NLRC4: variants seen among roughly 807,000 people sequenced by gnomAD.
NLRC4 encodes NLR family CARD domain containing 4.
NLRC4 carries 63 observed loss-of-function variants against 79.9 expected under a neutral mutation model. The ratio of observed to expected loss-of-function variants is 0.79; its 90% CI spans 0.64 to 0.97. The LOEUF (loss-of-function observed/expected upper bound fraction) is 0.97, where lower values mean the gene tolerates loss of function less well. Among genes scored for constraint, NLRC4 ranks in the 50% least tolerant of loss-of-function variants. The pLI, the probability that NLRC4 is intolerant of heterozygous loss-of-function variation, is 0.00. For missense variants in NLRC4, 1,074 were observed against 1,215.2 expected (o/e 0.88, Z 1.73); for synonymous variants, 461 against 456.5 (o/e 1.01, Z -0.12).
intron 4 of NLRC4, among the ~76,000 whole-genome samples, chr2:32,241,701 C>T (rs951398949): frequency 6.6e-6 from 1 of 151,892 alleles, no homozygotes; most frequent in African/African-American, 2.4e-5. Context: ...TTTCTAAACA[C>T]TTGGAAATTA....
chr2:32,226,699 G>A (rs1477297305), intron 8 of NLRC4, among the ~76,000 whole-genome samples: 1 of 152,144 alleles, frequency 6.6e-6, no homozygotes, highest in Non-Finnish European at 1.5e-5. Context: ...TGACCAACAT[G>A]GAGAAACCCC....
intron 6 of NLRC4, among the ~76,000 whole-genome samples, chr2:32,237,517 A>C (rs1003516834): frequency 6.6e-6 from 1 of 152,208 alleles, no homozygotes; most frequent in African/African-American, 2.4e-5. Flanking sequence ...TGGCTTCCTT[A>C]GTTATCTTTA....
chr2:32,258,543 G>C (rs1687263770), intron 1 of NLRC4, among the ~76,000 whole-genome samples: 1 of 152,124 alleles, frequency 6.6e-6, no homozygotes, highest in South Asian at 2.1e-4. Flanking sequence ...ATCAATATGA[G>C]TAATTGAGGA....
Position 32,249,777 on chromosome 2 carries a change from C to T in NLRC4, c.2087G>A (p.Arg696Lys), listed in dbSNP as rs1213192023. 2 of 1,614,202 alleles carry T rather than the reference C, an allele frequency of 1.2e-6. No individual in the cohort carries two copies. Among genetic ancestry groups the T allele is most frequent in the East Asian group, 2.2e-5 (1 of 44,886 alleles). The change falls in exon 4 of 9, where the codon AGA (arginine) becomes AAA (lysine). Residue 696 changes from arginine to lysine, a missense_variant. Physicochemically the swap from Arg to Lys is conservative, Grantham distance 26. Coordinates refer to ENST00000402280, the MANE Select transcript of NLRC4 (RefSeq NM_001199138.2). Reference sequence around the variant, plus strand: ...GAGGCTTCCAGCCACACCAGCACATCTCTTTATTTGCAGCCTGAGGCTTGT... The same window carrying T: ...GAGGCTTCCAGCCACACCAGCACATTTCTTTATTTGCAGCCTGAGGCTTGT... ...SATSLRLQIK[R>K]CAGVAGSLSL...
In NLRC4 at chr2:32,249,776, T is replaced by A; in HGVS notation, c.2088A>T (p.Arg696Ser). The change falls in exon 4 of 9, where the codon AGA (arginine) becomes AGT (serine). Residue 696 changes from arginine (R) to serine (S), a missense_variant. Transcript: ENST00000402280. ...TGAGGCTTCCAGCCACACCAGCACATCTCTTTATTTGCAGCCTGAGGCTTG... is the reference window on the plus strand; with the variant it reads ...TGAGGCTTCCAGCCACACCAGCACAACTCTTTATTTGCAGCCTGAGGCTTG... ...SATSLRLQIK[R>S]CAGVAGSLSL... The A allele has an allele frequency of 6.2e-7, 1 of 1,614,214 alleles. No homozygotes were observed. Among genetic ancestry groups the A allele is most frequent in the Non-Finnish European group, 8.5e-7 (1 of 1,180,032 alleles).
intron 1 of NLRC4, among the ~76,000 whole-genome samples, chr2:32,258,154 C>A (rs1046802678): frequency 2.0e-5 from 3 of 152,172 alleles, no homozygotes; most frequent in Non-Finnish European, 2.9e-5. Flanking sequence ...CCGCCACCAA[C>A]TCTTCTCCAA....
chr2:32,227,855 G>T (rs1241267429), intron 8 of NLRC4, among the ~76,000 whole-genome samples: 1 of 152,164 alleles, frequency 6.6e-6, no homozygotes, highest in African/African-American at 2.4e-5. Context: ...ATGACATTTA[G>T]AGCCATAGGC....
rs1558448429 is a variant in NLRC4 at position 32,235,566 on chromosome 2, CG to C, written c.2616del (p.Ile872MetfsTer4). On this transcript the variant is annotated frameshift_variant and splice_region_variant, in exon 8 of 9. Coordinates refer to ENST00000402280, the MANE Select transcript of NLRC4 (RefSeq NM_001199138.2). LOFTEE classifies it high-confidence loss of function. The part of the protein sequence containing the change: ...KDGNEALHEL[I>X]DRMNVLEQLT... ...AGCTGTTCTAGCACGTTCATCCTGT[CG>C]ACTGGAAGAAACAAAGAGCAGTTCA... is the stretch of plus-strand genomic sequence containing the variant. 1 of 1,612,710 alleles carries C rather than the reference CG, an allele frequency of 6.2e-7. No homozygotes were observed. The highest frequency in any genetic ancestry group is 1.7e-5 in the Admixed American group (1 of 59,962).
At chr2:32,261,666 G>A (rs1043130079) in intron 1 of NLRC4, among the ~76,000 whole-genome samples, 4 of 151,806 alleles carry the variant, frequency 2.6e-5, no homozygotes, top group Non-Finnish European at 5.9e-5. Context: ...TTCCTTTGGC[G>A]TGAGACAACG....
intron 4 of NLRC4, among the ~76,000 whole-genome samples, chr2:32,241,493 C>T (rs969198400): frequency 6.6e-6 from 1 of 150,418 alleles, no homozygotes; most frequent in African/African-American, 2.4e-5. Flanking sequence ...TCTCCTGCCT[C>T]AGCCTCCCAA....
chr2:32,232,237 T>C (rs1011729523), intron 8 of NLRC4, among the ~76,000 whole-genome samples: 1 of 152,234 alleles, frequency 6.6e-6, no homozygotes, highest in African/African-American at 2.4e-5. Context: ...AAAGTTACTC[T>C]TTTTTGCTGC....
At chr2:32,225,542 CCTTT>C (rs1197111318) in intron 8 of NLRC4, among the ~76,000 whole-genome samples, 1 of 151,898 alleles carries the variant, frequency 6.6e-6, no homozygotes, top group Non-Finnish European at 1.5e-5. Context: ...AGAAAAAATA[CCTTT>C]CTTTCAGGTT....
intron 8 of NLRC4, among the ~76,000 whole-genome samples, chr2:32,227,379 C>T (rs1176964719): frequency 3.3e-5 from 5 of 152,174 alleles, no homozygotes; most frequent in Non-Finnish European, 7.4e-5. Context: ...CTGCCTTCCA[C>T]CTCCTCTGTT....
chr2:32,235,548 C>A lies in NLRC4; in HGVS notation c.2635G>T (p.Glu879Ter), dbSNP rs1202987640. The A allele has an allele frequency of 1.2e-6, 2 of 1,614,096 alleles. No homozygotes were observed. Among genetic ancestry groups the A allele is most frequent in the East Asian group, 2.2e-5 (1 of 44,884 alleles). ...HELIDRMNVL[E>*]QLTALMLPWG... Reference sequence around the variant, plus strand: ...GGCAGCATCAGTGCGGTGAGCTGTTCTAGCACGTTCATCCTGTCGACTGGA... The same window carrying A: ...GGCAGCATCAGTGCGGTGAGCTGTTATAGCACGTTCATCCTGTCGACTGGA... Residue 879 changes from glutamate (E) to a stop codon, truncating the protein, a stop_gained, in exon 8 of 9, where the codon GAA becomes TAA. Transcript: ENST00000402280. LOFTEE classifies it high-confidence loss of function.
intron 8 of NLRC4, among the ~76,000 whole-genome samples, chr2:32,225,146 C>T (rs1686349305): frequency 6.6e-6 from 1 of 152,102 alleles, no homozygotes; most frequent in African/African-American, 2.4e-5. Context: ...GTCGTTTCCT[C>T]TTCTGAAAAA....
At chr2:32,229,528 G>A (rs903949982) in intron 8 of NLRC4, among the ~76,000 whole-genome samples, 1 of 152,206 alleles carries the variant, frequency 6.6e-6, no homozygotes, top group Non-Finnish European at 1.5e-5. Flanking sequence ...TGATTTTTAT[G>A]TTGTAGTCTC....
chr2:32,228,220 C>G (rs776136916), intron 8 of NLRC4, among the ~76,000 whole-genome samples: 1 of 152,112 alleles, frequency 6.6e-6, no homozygotes, highest in African/African-American at 2.4e-5. Context: ...TGGGAGCACA[C>G]AAAAGCAATA....
intron 1 of NLRC4, among the ~76,000 whole-genome samples, chr2:32,258,236 C>T (rs1400503227): frequency 1.3e-5 from 2 of 152,224 alleles, no homozygotes; most frequent in Non-Finnish European, 2.9e-5. Context: ...GTTGTGTGCT[C>T]TTCCGCCAGC....
rs902719927 is a variant in NLRC4 at position 32,238,767 on chromosome 2, G to A, written c.2351-465C>T. On this transcript the variant is annotated intron_variant, in intron 5 of 8. Transcript: ENST00000402280. ...AAGCCTTGCCTGGACTCATGATATGGGGCCTGCCTGAAGCTTTAGAATGAA... is the reference window on the plus strand; with the variant it reads ...AAGCCTTGCCTGGACTCATGATATGAGGCCTGCCTGAAGCTTTAGAATGAA... Among the ~76,000 whole-genome samples the A allele has an allele frequency of 2.6e-5, 4 of 152,090 alleles. No individual in the cohort carries two copies. In the East Asian group the frequency reaches 5.8e-4, roughly 22 times the overall value.
Sources: allele counts gnomAD v4.1 joint callset (sites outside exome capture counted in the v4.1 genomes callset), GRCh38; gene constraint gnomAD v4.1.1; transcripts MANE v1.5; gene names NCBI Gene and HGNC (gene_info 2026-07-23, HGNC 2026-07-21).